The following MUC7 variants were observed in gnomAD, a reference collection of about 807,000 sequenced individuals.
The protein encoded by MUC7 is mucin-7.
In MUC7, 2 loss-of-function variants were observed where a neutral mutation model predicts 2.5. That is an observed-to-expected ratio of 0.81 (90% CI 0.33 to 2.55). The LOEUF (loss-of-function observed/expected upper bound fraction) is 2.55. MUC7 is among the 30% of genes most tolerant of loss of function. The pLI, the probability that MUC7 is intolerant of heterozygous loss-of-function variation, is 0.11. For synonymous variants in MUC7, 133 were observed against 173.4 expected (o/e 0.77, Z 1.83); for missense variants, 408 against 455.6 (o/e 0.90, Z 0.95).
In MUC7 at chr4:70,475,001, G is replaced by A. The variant is rs41529746; in HGVS notation, c.54+926G>A. Among the ~76,000 whole-genome samples the A allele has an allele frequency of 9.0e-3, 1,375 of 152,178 alleles. 28 individuals are homozygous for A. Among genetic ancestry groups the A allele is most frequent in the South Asian group, 0.039 (186 of 4,824 alleles). On this transcript the variant is annotated intron_variant, in intron 2 of 2. Transcript: ENST00000304887. ...GGTAAAAGAAAGAAATGAACAGGCC[G>A]GGCGCGGTGGCTCATGCCTGTAGTC...
At chr4:70,458,762 C>A (rs1325732724) in intron 1 of MUC7, among the ~76,000 whole-genome samples, 2 of 151,900 alleles carry the variant, frequency 1.3e-5, no homozygotes, top group African/African-American at 2.4e-5. Flanking sequence ...CAAAAATTCT[C>A]AGATTATTTT....
rs1247702690 is a variant in MUC7, at chr4:70,460,183, G to A, written c.-92-12032G>A. ...TAGATTACACTATAGACGGCTAGAT[G>A]TAAGGGAAAAAAAAGGAAAAGAGAA... On this transcript the variant is annotated intron_variant, in intron 1 of 3. Coordinates refer to the MUC7 transcript ENST00000413702. Among the ~76,000 whole-genome samples the A allele has an allele frequency of 2.0e-5, 3 of 151,934 alleles. No individual in the cohort carries two copies. The East Asian group carries it at 5.8e-4, about 29-fold the overall frequency.
chr4:70,448,237 G>A (rs1219486718), intron 1 of MUC7, among the ~76,000 whole-genome samples: 1 of 152,100 alleles, frequency 6.6e-6, no homozygotes, highest in Non-Finnish European at 1.5e-5. Flanking sequence ...GAATAGTGCT[G>A]CAATATATAT....
rs41424846 is a variant in MUC7 at position 70,481,860 on chromosome 4, C to A, written c.1116C>A (p.Asp372Glu). ...AGAATCTACTAAACAGAATTATTGA[C>A]GACATGGTGGAGCAATAGTATATTG... is the stretch of plus-strand genomic sequence containing the variant. ...YMKNLLNRII[D>E]DMVEQ The change falls in exon 3 of 3, where the codon GAC (aspartate) becomes GAA (glutamate). Residue 372 changes from aspartate (D) to glutamate (E), a missense_variant. Asp to Glu is a conservative substitution (Grantham distance 45). Around this residue, in one of 3 missense-constraint regions of MUC7, gnomAD observed 175 missense variants for 187.1 expected, o/e 0.94. Coordinates refer to ENST00000304887, the MANE Select transcript of MUC7 (RefSeq NM_152291.3). The A allele has an allele frequency of 2.3e-3, 3,771 of 1,613,698 alleles. 90 individuals carry two copies. The African/African-American group carries it at 0.045, about 19-fold the overall frequency.
chr4:70,452,954 C>G (rs572812315), intron 1 of MUC7, among the ~76,000 whole-genome samples: 1 of 152,308 alleles, frequency 6.6e-6, no homozygotes, highest in East Asian at 1.9e-4. Flanking sequence ...GATATTTTCA[C>G]CAGATATACT....
intron 2 of MUC7, among the ~76,000 whole-genome samples, chr4:70,479,796 C>T (rs949424785): frequency 2.0e-5 from 3 of 152,154 alleles, no homozygotes; most frequent in East Asian, 3.9e-4. Flanking sequence ...TTTTGAAAGA[C>T]TTCTGGATCT....
At chr4:70,449,987 T>C (rs1395199264) in intron 1 of MUC7, among the ~76,000 whole-genome samples, 1 of 152,246 alleles carries the variant, frequency 6.6e-6, no homozygotes, top group Non-Finnish European at 1.5e-5. Flanking sequence ...CCTGGGGCTC[T>C]ATAATCAGCA....
intron 1 of MUC7, among the ~76,000 whole-genome samples, chr4:70,434,999 C>T (rs965480606): frequency 1.5e-4 from 23 of 152,246 alleles, no homozygotes; most frequent in African/African-American, 5.5e-4. Context: ...TGTTCAGTTT[C>T]CATGTAGTTG....
At chr4:70,458,728 T>C (rs1397751308) in intron 1 of MUC7, among the ~76,000 whole-genome samples, 10 of 151,880 alleles carry the variant, frequency 6.6e-5, no homozygotes, top group African/African-American at 2.4e-4. Context: ...AAAATGCAAA[T>C]AGATTGTATT....
upstream of MUC7, among the ~76,000 whole-genome samples, chr4:70,468,490 T>A (rs1295521915): frequency 6.6e-6 from 1 of 152,204 alleles, no homozygotes; most frequent in Non-Finnish European, 1.5e-5. Context: ...GCAGATGACA[T>A]GATTGTATAT....
Position 70,439,813 on chromosome 4 carries a change from G to A in MUC7, c.-93+9126G>A, listed in dbSNP as rs1733957628. ...ACACATGCTAATTGATAATTCATTA[G>A]AATTTAAAAATTATTATGTTTAATA... On this transcript the variant is annotated intron_variant, in intron 1 of 3. Coordinates refer to the MUC7 transcript ENST00000413702. Among the ~76,000 whole-genome samples the A allele has an allele frequency of 3.3e-5, 5 of 151,906 alleles. No individual in the cohort carries two copies. The South Asian group carries it at 1.0e-3, about 32-fold the overall frequency.
intron 1 of MUC7, among the ~76,000 whole-genome samples, chr4:70,449,373 G>A (rs535400113): frequency 1.3e-4 from 20 of 152,134 alleles, no homozygotes; most frequent in South Asian, 2.1e-4. Flanking sequence ...AGAACCAACC[G>A]AAAGGGGTTT....
At chr4:70,473,380 G>A (rs916440871) in intron 1 of MUC7, among the ~76,000 whole-genome samples, 1 of 151,794 alleles carries the variant, frequency 6.6e-6, no homozygotes, top group African/African-American at 2.4e-5. Flanking sequence ...GGGGGTGCAG[G>A]CTGCAGTGAG....
rs1235731983 is a variant in MUC7 at position 70,481,682 on chromosome 4, C to T, written c.938C>T (p.Ser313Phe). ...TTAAPITTPN[S>F]SPTTLAPDTS... ...GCTGCCCCAATTACCACACCTAATT[C>T]TTCCCCAACTACTCTTGCACCTGAC... Residue 313 changes from serine to phenylalanine, a missense_variant, in exon 3 of 3, where the codon TCT becomes TTT. Ser to Phe is a radical substitution (Grantham distance 155). Transcript: ENST00000304887. 6.8e-6 allele frequency: 11 copies of T among 1,614,208 alleles called. No homozygotes were observed. Among genetic ancestry groups the T allele is most frequent in the African/African-American group, 2.7e-5 (2 of 75,044 alleles).
chr4:70,452,093 A>T (rs74510237), intron 1 of MUC7, among the ~76,000 whole-genome samples: 11,252 of 152,100 alleles, frequency 0.074, 634 homozygotes, highest in East Asian at 0.19. Context: ...TGCTCTTTCC[A>T]TTGGCATAGA....
chr4:70,434,352 G>T (rs569047554), intron 1 of MUC7, among the ~76,000 whole-genome samples: 1 of 151,996 alleles, frequency 6.6e-6, no homozygotes, highest in East Asian at 1.9e-4. Context: ...TCTGGTCCTG[G>T]ACTTTTTTTG....
At chr4:70,460,307 T>C (rs948316906) in intron 1 of MUC7, among the ~76,000 whole-genome samples, 12 of 152,174 alleles carry the variant, frequency 7.9e-5, no homozygotes, top group Admixed American at 7.9e-4. Flanking sequence ...AAATCCACAA[T>C]GCTGGTAATA....
chr4:70,465,683 A>G (rs1449656789), intron 1 of MUC7, among the ~76,000 whole-genome samples: 1 of 152,218 alleles, frequency 6.6e-6, no homozygotes, highest in Non-Finnish European at 1.5e-5. Context: ...TAAAGCATGA[A>G]GACAAGATTA....
rs1735232017 is a variant in MUC7, at chr4:70,482,581, G to A, written c.*703G>A. On this transcript the variant is annotated 3_prime_UTR_variant, in exon 3 of 3. Coordinates refer to ENST00000304887, the MANE Select transcript of MUC7 (RefSeq NM_152291.3). The stretch of plus-strand genomic sequence containing the variant: ...TTAAACTGCAAGGTTGACATTTATT[G>A]TGTTGTGTCTAAGTTAATTTCGATC... 6.6e-6 allele frequency: 1 copy of A among 152,204 alleles called. No homozygotes were observed. The allele number at this position is 152,204 out of a possible 1,614,324, so 9.4% of individuals were successfully genotyped here. A position where few individuals can be genotyped will look rare whatever the true frequency, so the allele number is the denominator to read the frequency against.
Sources: allele counts gnomAD v4.1 joint callset (sites outside exome capture counted in the v4.1 genomes callset), GRCh38; gene constraint gnomAD v4.1.1; regional missense constraint gnomAD v4.1.1; transcripts MANE v1.5; gene names NCBI Gene and HGNC (gene_info 2026-07-23, HGNC 2026-07-21).